Variants in MED23 observed in about 807,000 individuals in gnomAD.
The protein encoded by MED23 is mediator of RNA polymerase II transcription subunit 23.
MED23 carries 105 observed loss-of-function variants against 163.9 expected under a neutral mutation model. The ratio of observed to expected loss-of-function variants is 0.64; its 90% CI spans 0.55 to 0.75. The LOEUF is 0.75. Ranked by LOEUF, MED23 falls within the 30% of genes least tolerant of loss-of-function variation. The probability of loss-of-function intolerance (pLI) is 0.00; values close to 1 mark genes in which losing one functional copy is unlikely to be tolerated. For missense variants in MED23, 1,054 were observed against 1,649.0 expected, an observed-to-expected ratio of 0.64 and a Z score of 6.25; for synonymous variants, 561 against 565.6, an observed-to-expected ratio of 0.99 and a Z score of 0.12.
At chr6:131,622,843 A>G (rs1777206584) in intron 5 of MED23, among the ~76,000 whole-genome samples, 1 of 152,216 alleles carries the variant, frequency 6.6e-6, no homozygotes, top group Non-Finnish European at 1.5e-5. Context: ...AGTCTCCTGA[A>G]GATGCAGAAT....
exon 31 of MED23, chr6:131,574,215 T>C: frequency 4.5e-6 from 7 of 1,555,974 alleles, no homozygotes; most frequent in Non-Finnish European, 6.2e-6. Flanking sequence ...CTAAGGTTGA[T>C]TTTCTCCAGG....
chr6:131,584,363 A>AATACACACAC (rs371339129), downstream of MED23: 6 of 158,236 alleles, frequency 3.8e-5, no homozygotes, highest in African/African-American at 1.5e-4. Context: ...AAATACATGC[A>AATACACACAC]ACACACACAC....
At chr6:131,584,895 A>G (rs1774123162), downstream of MED23, among the ~76,000 whole-genome samples, 1 of 151,170 alleles carries the variant, frequency 6.6e-6, no homozygotes, top group Non-Finnish European at 1.5e-5. Context: ...GCTACTCAGA[A>G]GGCTAAGGCG....
intron 13 of MED23, among the ~76,000 whole-genome samples, chr6:131,605,936 T>C (rs1335308382): frequency 2.6e-5 from 4 of 152,064 alleles, no homozygotes; most frequent in Non-Finnish European, 5.9e-5. Context: ...TGAAGAGAAG[T>C]GGCAGTCCTT....
chr6:131,603,699 G>T (rs1241012508), intron 15 of MED23, among the ~76,000 whole-genome samples: 1 of 152,138 alleles, frequency 6.6e-6, no homozygotes, highest in Non-Finnish European at 1.5e-5. Flanking sequence ...GAATTACCAT[G>T]AATCAGAAAA....
intron 16 of MED23, 58 bp from the exon 17 acceptor site, chr6:131,602,439 T>G: frequency 6.7e-7 from 1 of 1,488,226 alleles, no homozygotes; most frequent in Non-Finnish European, 9.3e-7. Flanking sequence ...TGGAATTAAA[T>G]CTAAGGTTAA....
chr6:131,614,050 A>T (rs1468504905), intron 10 of MED23, among the ~76,000 whole-genome samples: 2 of 152,198 alleles, frequency 1.3e-5, no homozygotes, highest in African/African-American at 4.8e-5. Context: ...GCATTCTTTC[A>T]AAGTTAACTG....
downstream of MED23, among the ~76,000 whole-genome samples, chr6:131,586,110 C>A (rs146602816): frequency 4.2e-4 from 64 of 152,206 alleles, 2 homozygotes; most frequent in African/African-American, 1.5e-3. Context: ...AATGAGTCTG[C>A]AGGGGCCGGG....
intron 30 of MED23, among the ~76,000 whole-genome samples, chr6:131,577,287 C>A (rs1445153452): frequency 2.0e-5 from 3 of 152,056 alleles, no homozygotes; most frequent in Admixed American, 6.5e-5. Flanking sequence ...GAAACTGGAA[C>A]CCTCATATAT....
In MED23 at chr6:131,623,363, TCCC is replaced by T; in HGVS notation, c.381_383del (p.Gly128del). 6.2e-7 allele frequency: 1 copy of T among 1,612,790 alleles called. No individual in the cohort carries two copies. Among genetic ancestry groups the T allele is most frequent in the Non-Finnish European group, 8.5e-7 (1 of 1,178,958 alleles). ...AAGAAAAATATACCTTGTAATCCAC[TCCC>T]CCAATTATTTTCCGAACCAGTTTAA... On this transcript the variant is annotated inframe_deletion, in exon 5 of 29. Coordinates refer to ENST00000368068, the MANE Select transcript of MED23 (RefSeq NM_004830.4).
At chr6:131,585,461 T>C (rs940994180), downstream of MED23, among the ~76,000 whole-genome samples, 11 of 152,238 alleles carry the variant, frequency 7.2e-5, no homozygotes, top group African/African-American at 2.4e-4. Flanking sequence ...GATAAACATT[T>C]TATTGAATTA....
chr6:131,579,004 G>A lies in MED23; in HGVS notation c.4096-4709C>T, dbSNP rs56325116. ...TACAGACCTTTCAGGTTTTTCCTTT[G>A]CTTATACTTGTGAATATATGCCTAT... On this transcript the variant is annotated intron_variant, in intron 30 of 30. Coordinates refer to the MED23 transcript ENST00000354577. 150,058 of 1,313,074 alleles carry A rather than the reference G, an allele frequency of 0.11. 9,483 individuals are homozygous for A. The highest frequency in any genetic ancestry group is 0.2 in the Middle Eastern group (937 of 4,750). 81.3% of individuals were successfully genotyped at this position (1,313,074 alleles called of 1,614,324 possible).
intron 6 of MED23, 72 bp from the exon 7 acceptor site, chr6:131,620,801 A>G (rs1290065569): frequency 2.3e-6 from 2 of 884,654 alleles, no homozygotes; most frequent in Non-Finnish European, 3.4e-6. Flanking sequence ...ATTTATTATC[A>G]TTATTTTTTT....
At chr6:131,628,253 C>T (rs1303172915), upstream of MED23, 2 of 599,958 alleles carry the variant, frequency 3.3e-6, no homozygotes, top group African/African-American at 3.7e-5. Flanking sequence ...GGGAAGGGCC[C>T]GGTACGCGCC....
chr6:131,579,274 C>T lies in MED23; in HGVS notation c.4096-4979G>A, dbSNP rs763868954. 4.3e-6 allele frequency: 7 copies of T among 1,613,794 alleles called. No homozygotes were observed. The highest frequency in any genetic ancestry group is 3.3e-5 in the Admixed American group (2 of 59,978). ...ACGGAAGAATCAGCCTGGTGCTGGG[C>T]GGAGACCACAGGTCTTGTTGAATAA... On this transcript the variant is annotated intron_variant, in intron 30 of 30. Transcript: ENST00000354577.
downstream of MED23, chr6:131,584,150 T>C (rs1774083780): frequency 6.1e-6 from 3 of 493,598 alleles, 1 homozygote; most frequent in South Asian, 7.1e-5. Context: ...GAAAGAGAAG[T>C]GTACATTGAT....
At chr6:131,614,792 T>C (rs1776539008) in intron 10 of MED23, among the ~76,000 whole-genome samples, 1 of 152,078 alleles carries the variant, frequency 6.6e-6, no homozygotes, top group South Asian at 2.1e-4. Flanking sequence ...GCAGCATATC[T>C]CTATTAAAGT....
At chr6:131,596,219 A>G (rs1775035346) in intron 21 of MED23, 56 bp from the exon 22 acceptor site, 3 of 1,458,712 alleles carry the variant, frequency 2.1e-6, no homozygotes, top group South Asian at 2.3e-5. Context: ...AATTCTCTTA[A>G]AAGAGCTAAA....
chr6:131,620,419 GGGGCTA>G (rs1183250179), intron 7 of MED23, among the ~76,000 whole-genome samples: 1 of 152,050 alleles, frequency 6.6e-6, no homozygotes, highest in Non-Finnish European at 1.5e-5. Context: ...CTGAGTAGCT[GGGGCTA>G]TAGGCATGTG....
Sources: allele counts gnomAD v4.1 joint callset (sites outside exome capture counted in the v4.1 genomes callset), GRCh38; gene constraint gnomAD v4.1.1; transcripts MANE v1.5; gene names NCBI Gene and HGNC (gene_info 2026-07-23, HGNC 2026-07-21).